CACNA2D3: variants seen among roughly 807,000 people sequenced by gnomAD.
CACNA2D3 encodes voltage-dependent calcium channel subunit alpha-2/delta-3.
A neutral mutation model predicts 160.6 loss-of-function variants in CACNA2D3; 60 were observed. The observed-to-expected ratio is 0.37, with a 90% CI of 0.30 to 0.46. The LOEUF is 0.46. Ranked by LOEUF, CACNA2D3 falls within the 20% of genes least tolerant of loss-of-function variation. CACNA2D3 has a pLI of 1.00. For synonymous variants in CACNA2D3, 558 were observed against 492.9 expected, an observed-to-expected ratio of 1.13 and a Z score of -1.75; for missense variants, 1,205 against 1,365.0, an observed-to-expected ratio of 0.88 and a Z score of 1.85.
chr3:54,820,282 C>A (rs1013299304), intron 14 of CACNA2D3, among the ~76,000 whole-genome samples: 4 of 152,130 alleles, frequency 2.6e-5, no homozygotes, highest in Admixed American at 6.5e-5. Context: ...CTTGGCTGAT[C>A]TGCAACTAAA....
chr3:54,651,030 G>A (rs915903531), intron 11 of CACNA2D3, among the ~76,000 whole-genome samples: 1 of 152,166 alleles, frequency 6.6e-6, no homozygotes, highest in African/African-American at 2.4e-5. Flanking sequence ...CTAGCATTTG[G>A]TGGACCTGAA....
At chr3:54,693,958 ATATT>A (rs1700613821) in intron 11 of CACNA2D3, among the ~76,000 whole-genome samples, 2 of 152,344 alleles carry the variant, frequency 1.3e-5, no homozygotes, top group South Asian at 4.1e-4. Flanking sequence ...GTTAGCTTAG[ATATT>A]TATTATTGAA....
chr3:54,891,479 C>A, intron 25 of CACNA2D3, 29 bp downstream of exon 25: 2 of 1,486,626 alleles, frequency 1.3e-6, no homozygotes, highest in Non-Finnish European at 1.9e-6. Flanking sequence ...CTACAGGGGC[C>A]CAGGGAGCTT....
At chr3:54,274,750 A>C (rs1702699051) in intron 2 of CACNA2D3, among the ~76,000 whole-genome samples, 2 of 152,182 alleles carry the variant, frequency 1.3e-5, no homozygotes, top group African/African-American at 4.8e-5. Context: ...GGGGAACTGC[A>C]TCCAGGCTCA....
chr3:54,716,372 G>T (rs1701049903), intron 11 of CACNA2D3, among the ~76,000 whole-genome samples: 1 of 152,122 alleles, frequency 6.6e-6, no homozygotes, highest in Non-Finnish European at 1.5e-5. Context: ...GCTTCGATAT[G>T]TAAAGGGGAA....
At chr3:54,741,390 C>G (rs927012610) in intron 11 of CACNA2D3, among the ~76,000 whole-genome samples, 1 of 152,138 alleles carries the variant, frequency 6.6e-6, no homozygotes, top group African/African-American at 2.4e-5. Flanking sequence ...TTTATTTGAT[C>G]CATTTCACAA....
At chr3:54,675,555 C>G (rs1273903730) in intron 11 of CACNA2D3, among the ~76,000 whole-genome samples, 2 of 152,104 alleles carry the variant, frequency 1.3e-5, no homozygotes, top group Non-Finnish European at 1.5e-5. Flanking sequence ...ATGGCTTAGG[C>G]AGTGGGCAGG....
intron 5 of CACNA2D3, among the ~76,000 whole-genome samples, chr3:54,522,437 G>A (rs956947767): frequency 7.2e-5 from 11 of 151,996 alleles, no homozygotes; most frequent in Non-Finnish European, 1.5e-4. Flanking sequence ...GGTTTCTTAG[G>A]AATTTCTATG....
At chr3:54,764,568 T>G (rs1367970526) in intron 13 of CACNA2D3, among the ~76,000 whole-genome samples, 1 of 152,242 alleles carries the variant, frequency 6.6e-6, no homozygotes, top group Non-Finnish European at 1.5e-5. Flanking sequence ...GTAGCTGGTC[T>G]GCACAAAAGA....
At chr3:54,940,958 A>G (rs1232957127) in intron 27 of CACNA2D3, among the ~76,000 whole-genome samples, 1 of 152,202 alleles carries the variant, frequency 6.6e-6, no homozygotes, top group African/African-American at 2.4e-5. Flanking sequence ...TAACTTTGTC[A>G]TTTAATAAGG....
intron 14 of CACNA2D3, among the ~76,000 whole-genome samples, chr3:54,819,899 C>T (rs1703548803): frequency 6.6e-6 from 1 of 152,134 alleles, no homozygotes; most frequent in Middle Eastern, 3.2e-3. Context: ...GCACCTTCTT[C>T]ATGTAGTCAG....
intron 9 of CACNA2D3, among the ~76,000 whole-genome samples, chr3:54,607,587 A>G (rs1559525252): frequency 6.6e-6 from 1 of 152,226 alleles, no homozygotes; most frequent in African/African-American, 2.4e-5. Flanking sequence ...TAGGACACAG[A>G]GCAATTGGAT....
intron 35 of CACNA2D3, among the ~76,000 whole-genome samples, chr3:55,066,271 C>T (rs943289866): frequency 2.0e-4 from 30 of 152,198 alleles, no homozygotes; most frequent in African/African-American, 6.8e-4. Context: ...GGGACCGACT[C>T]ATTGGCTTTC....
chr3:54,568,300 T>G (rs1048872562), intron 6 of CACNA2D3, among the ~76,000 whole-genome samples: 3 of 152,238 alleles, frequency 2.0e-5, no homozygotes, highest in African/African-American at 7.2e-5. Context: ...CAGCAGAGAT[T>G]TGGACATTAT....
At chr3:54,153,459 A>G (rs1700187276) in intron 2 of CACNA2D3, among the ~76,000 whole-genome samples, 1 of 152,242 alleles carries the variant, frequency 6.6e-6, no homozygotes, top group Non-Finnish European at 1.5e-5. Context: ...TATTCAGTCA[A>G]CATTTGTTGA....
chr3:54,249,662 T>TACACAC (rs10656572), intron 2 of CACNA2D3, among the ~76,000 whole-genome samples: 3,934 of 132,822 alleles, frequency 0.03, 120 homozygotes, highest in African/African-American at 0.067. Context: ...TCTGTTTACG[T>TACACAC]ACACACACAC....
intron 4 of CACNA2D3, among the ~76,000 whole-genome samples, chr3:54,408,438 T>C (rs1033435438): frequency 6.6e-6 from 1 of 152,038 alleles, no homozygotes; most frequent in Admixed American, 6.6e-5. Flanking sequence ...AGCAGACAGA[T>C]ACCCTGAAAG....
intron 27 of CACNA2D3, among the ~76,000 whole-genome samples, chr3:54,951,458 C>T (rs375709047): frequency 6.6e-5 from 10 of 152,316 alleles, no homozygotes; most frequent in East Asian, 5.8e-4. Context: ...CTTTGGTGTG[C>T]GGCCCGGGGG....
intron 2 of CACNA2D3, among the ~76,000 whole-genome samples, chr3:54,158,713 G>A (rs542290387): frequency 6.6e-5 from 10 of 152,306 alleles, no homozygotes; most frequent in South Asian, 2.1e-4. Context: ...TCCTCTTGGG[G>A]AAATGATTTT....
Sources: gnomAD v4.1 joint callset for allele counts (sites outside exome capture counted in the v4.1 genomes callset) on GRCh38, gnomAD v4.1.1 for gene constraint, MANE v1.5 for transcripts, NCBI Gene and HGNC (gene_info 2026-07-23, HGNC 2026-07-21) for gene names.